PSD3: variants seen among roughly 807,000 people sequenced by gnomAD.
The protein encoded by PSD3 is pleckstrin and Sec7 domain containing 3, also known as PH and SEC7 domain-containing protein 3.
PSD3 carries 49 observed loss-of-function variants against 105.5 expected under a neutral mutation model. The observed-to-expected ratio is 0.46, with a 90% CI of 0.37 to 0.59. The LOEUF (loss-of-function observed/expected upper bound fraction) is 0.59, where lower values mean the gene tolerates loss of function less well. Ranked by LOEUF, PSD3 falls within the 20% of genes least tolerant of loss-of-function variation. PSD3 has a pLI of 0.00. For synonymous variants in PSD3, 557 were observed against 457.8 expected (o/e 1.22, Z -2.77); for missense variants, 1,561 against 1,263.8 (o/e 1.24, Z -3.57).
At chr8:18,748,624 C>T (rs937081251) in intron 9 of PSD3, among the ~76,000 whole-genome samples, 34 of 145,174 alleles carry the variant, frequency 2.3e-4, no homozygotes, top group Non-Finnish European at 4.3e-4. Flanking sequence ...CGCGCCACTG[C>T]ACTCCAGCCT....
intron 1 of PSD3, among the ~76,000 whole-genome samples, chr8:19,051,115 C>T (rs1357657081): frequency 6.6e-6 from 1 of 152,170 alleles, no homozygotes; most frequent in African/African-American, 2.4e-5. Flanking sequence ...TCATGTCTCA[C>T]CTCTGCATAA....
At chr8:18,943,263 G>A (rs1004352489) in intron 1 of PSD3, among the ~76,000 whole-genome samples, 16 of 152,302 alleles carry the variant, frequency 1.1e-4, no homozygotes, top group African/African-American at 3.8e-4. Flanking sequence ...GGTTTATGGG[G>A]AAGGGAGACG....
intron 1 of PSD3, among the ~76,000 whole-genome samples, chr8:18,952,535 T>C (rs1233314709): frequency 6.6e-6 from 1 of 152,236 alleles, no homozygotes; most frequent in East Asian, 1.9e-4. Flanking sequence ...ACTACTGATG[T>C]GACTCTGATT....
At chr8:18,941,383 T>G (rs1201129194) in intron 1 of PSD3, among the ~76,000 whole-genome samples, 1 of 152,146 alleles carries the variant, frequency 6.6e-6, no homozygotes, top group African/African-American at 2.4e-5. Context: ...TGAAGCACAA[T>G]GATTCTTCAC....
intron 1 of PSD3, among the ~76,000 whole-genome samples, chr8:18,993,422 G>A: frequency 6.7e-6 from 1 of 149,514 alleles, no homozygotes; most frequent in East Asian, 1.9e-4. Context: ...GAGTATAGTG[G>A]CACTGTTTCT....
rs572385262 is a variant in PSD3, at chr8:18,532,057, A to G, written c.*3686T>C. ...TTAATGAAACCCAAAAGGTTTTGTT[A>G]GTAAGACAATGGAGAAACTTCTTTA... is the stretch of plus-strand genomic sequence containing the variant. On this transcript the variant is annotated 3_prime_UTR_variant, in exon 16 of 16. Transcript: ENST00000327040. 2.0e-5 allele frequency: 3 copies of G among 152,260 alleles called. No individual in the cohort carries two copies. Among genetic ancestry groups the G allele is most frequent in the Middle Eastern group, 3.2e-3 (1 of 316 alleles). 9.4% of individuals were successfully genotyped at this position (152,260 alleles called of 1,614,324 possible). A position where few individuals can be genotyped will look rare whatever the true frequency, so the allele number is the denominator to read the frequency against.
At chr8:18,764,311 T>C (rs1806788342) in intron 9 of PSD3, among the ~76,000 whole-genome samples, 1 of 152,206 alleles carries the variant, frequency 6.6e-6, no homozygotes, top group South Asian at 2.1e-4. Flanking sequence ...AACATCTTTA[T>C]CACGTCACAA....
intron 1 of PSD3, among the ~76,000 whole-genome samples, chr8:19,064,186 C>T (rs543634089): frequency 2.6e-4 from 40 of 151,856 alleles, no homozygotes; most frequent in South Asian, 2.1e-4. Flanking sequence ...TTCAATTAAA[C>T]GAGAACTCCA....
intron 9 of PSD3, among the ~76,000 whole-genome samples, chr8:18,724,977 T>C (rs912352619): frequency 2.6e-5 from 4 of 152,184 alleles, no homozygotes; most frequent in African/African-American, 9.6e-5. Flanking sequence ...AGAAAAGTCA[T>C]GTAAAAGGAT....
intron 9 of PSD3, among the ~76,000 whole-genome samples, chr8:18,761,886 T>G (rs1237466409): frequency 1.3e-5 from 2 of 152,240 alleles, no homozygotes; most frequent in African/African-American, 2.4e-5. Flanking sequence ...TCTGTGTTTA[T>G]CTGTACTATG....
At chr8:18,944,826 G>A (rs1343472566) in intron 1 of PSD3, among the ~76,000 whole-genome samples, 1 of 152,014 alleles carries the variant, frequency 6.6e-6, no homozygotes, top group African/African-American at 2.4e-5. Context: ...TCTTCAAGTT[G>A]GCTTCTGTGT....
upstream of PSD3, among the ~76,000 whole-genome samples, chr8:19,015,206 C>T (rs1212865929): frequency 6.6e-6 from 1 of 152,104 alleles, no homozygotes; most frequent in Non-Finnish European, 1.5e-5. Context: ...AAAATGGGAG[C>T]GCTTGTTGCA....
At chr8:19,039,463 C>T (rs1828052880) in intron 1 of PSD3, among the ~76,000 whole-genome samples, 1 of 152,178 alleles carries the variant, frequency 6.6e-6, no homozygotes, top group Non-Finnish European at 1.5e-5. Context: ...CCTCCTGACT[C>T]TTAGAGATGC....
chr8:18,616,115 C>T (rs1160880405), intron 11 of PSD3, among the ~76,000 whole-genome samples: 1 of 152,198 alleles, frequency 6.6e-6, no homozygotes, highest in East Asian at 1.9e-4. Flanking sequence ...CATTACAGGG[C>T]GAGGGCTCTG....
intron 9 of PSD3, among the ~76,000 whole-genome samples, chr8:18,749,535 C>T (rs10108703): frequency 0.98 from 149,637 of 152,330 alleles, 73,538 homozygotes; most frequent in Non-Finnish European, 1. Flanking sequence ...AGAAGGCACA[C>T]GGCAGATGGA....
chr8:18,978,978 A>T lies in PSD3; in HGVS notation c.21+34585T>A, dbSNP rs1042711625. On this transcript the variant is annotated intron_variant, in intron 1 of 15. Coordinates refer to ENST00000327040, the MANE Select transcript of PSD3 (RefSeq NM_015310.4). ...TCAGTCTCAAAGAAAGCCAGACAGGAGTCCAGATGCCTGTGTTCCTTCTGG... is the reference window on the plus strand; with the variant it reads ...TCAGTCTCAAAGAAAGCCAGACAGGTGTCCAGATGCCTGTGTTCCTTCTGG... 2.0e-5 allele frequency among the ~76,000 whole-genome samples: 3 copies of T among 152,134 alleles called. No homozygotes were observed. In the East Asian group the frequency reaches 5.8e-4, roughly 29 times the overall value.
intron 1 of PSD3, among the ~76,000 whole-genome samples, chr8:18,969,208 G>A (rs546978842): frequency 6.3e-4 from 96 of 152,298 alleles, no homozygotes; most frequent in African/African-American, 2.3e-3. Flanking sequence ...AATAACAGCT[G>A]TAAAGTGCGA....
rs534064608 is a variant in PSD3 at position 19,084,426 on chromosome 8, A to G, written c.104T>C (p.Leu35Ser). The change falls in exon 1 of 2, where the codon TTG becomes TCG. Residue 35 changes from leucine to serine, a missense_variant. Physicochemically the swap from Leu to Ser is moderately radical, Grantham distance 145. Coordinates refer to the PSD3 transcript ENST00000521475. ...GACAGCCCTTGGAGGGGAGCATCCC[A>G]AGGCATCCCTGCATCGGGGGTCCAT... 356 of 456,158 alleles carry G rather than the reference A, an allele frequency of 7.8e-4. 6 individuals are homozygous for G. The highest frequency in any genetic ancestry group is 5.4e-3 in the South Asian group (349 of 64,558). The allele number at this position is 456,158 out of a possible 1,614,324, so 28.3% of individuals were successfully genotyped here.
chr8:18,939,228 C>T (rs953982527), intron 1 of PSD3, among the ~76,000 whole-genome samples: 1 of 152,102 alleles, frequency 6.6e-6, no homozygotes, highest in African/African-American at 2.4e-5. Context: ...GAAGCAATTG[C>T]CAATCAAGAG....
Sources: allele counts gnomAD v4.1 joint callset (sites outside exome capture counted in the v4.1 genomes callset), GRCh38; gene constraint gnomAD v4.1.1; transcripts MANE v1.5; gene names NCBI Gene and HGNC (gene_info 2026-07-23, HGNC 2026-07-21).